The following LRP1B variants were observed in gnomAD, a reference collection of about 807,000 sequenced individuals.
LRP1B encodes LDL receptor related protein 1B.
A neutral mutation model predicts 556.6 loss-of-function variants in LRP1B; 217 were observed. The ratio of observed to expected loss-of-function variants is 0.39; its 90% CI spans 0.35 to 0.44. The LOEUF (loss-of-function observed/expected upper bound fraction) is 0.44. Among genes scored for constraint, LRP1B ranks in the 20% least tolerant of loss-of-function variants. LRP1B has a pLI of 1.00. For missense variants in LRP1B, 5,053 were observed against 5,620.8 expected (o/e 0.90, Z 3.23); for synonymous variants, 2,047 against 1,865.8 (o/e 1.10, Z -2.50).
At chr2:141,115,458 G>GT (rs70991138) in intron 7 of LRP1B, among the ~76,000 whole-genome samples, 3,784 of 120,314 alleles carry the variant, frequency 0.031, 302 homozygotes, top group East Asian at 0.15. Flanking sequence ...TTTTGTTTTT[G>GT]TTTTTTTTTT....
At chr2:140,989,215 C>G (rs1697016493) in intron 17 of LRP1B, among the ~76,000 whole-genome samples, 1 of 151,980 alleles carries the variant, frequency 6.6e-6, no homozygotes, top group Non-Finnish European at 1.5e-5. Flanking sequence ...TATATCACAG[C>G]ATGCTAGCAA....
chr2:141,189,831 T>C (rs138776444), intron 6 of LRP1B, among the ~76,000 whole-genome samples: 20 of 152,028 alleles, frequency 1.3e-4, no homozygotes, highest in African/African-American at 3.4e-4. Flanking sequence ...TCCCAAAATA[T>C]ATGCCGCTTT....
intron 1 of LRP1B, among the ~76,000 whole-genome samples, chr2:141,851,056 C>A (rs1042679480): frequency 2.0e-5 from 3 of 151,588 alleles, no homozygotes; most frequent in Non-Finnish European, 4.4e-5. Flanking sequence ...ATCTGGAAGC[C>A]CTCAACAATG....
intron 1 of LRP1B, among the ~76,000 whole-genome samples, chr2:142,129,528 C>T (rs1707770958): frequency 6.6e-6 from 1 of 151,546 alleles, no homozygotes; most frequent in South Asian, 2.1e-4. Context: ...ACTAAATCTC[C>T]CAATGCAACA....
At chr2:141,380,843 C>T (rs1434952695) in intron 3 of LRP1B, among the ~76,000 whole-genome samples, 2 of 152,058 alleles carry the variant, frequency 1.3e-5, no homozygotes, top group Non-Finnish European at 2.9e-5. Context: ...ACTTTAGTCT[C>T]TTGAGGACAA....
At chr2:140,275,711 C>T (rs565726928) in intron 84 of LRP1B, among the ~76,000 whole-genome samples, 1 of 151,948 alleles carries the variant, frequency 6.6e-6, no homozygotes. Flanking sequence ...GGCTATTATC[C>T]TTTTCTAAGG....
intron 1 of LRP1B, among the ~76,000 whole-genome samples, chr2:141,903,143 A>T (rs1699668717): frequency 2.1e-5 from 1 of 48,728 alleles, no homozygotes; most frequent in Non-Finnish European, 4.9e-5. Flanking sequence ...AGTAATGTCT[A>T]AATCTTTTTT....
intron 7 of LRP1B, among the ~76,000 whole-genome samples, chr2:141,109,861 C>T (rs979261975): frequency 6.6e-6 from 1 of 152,104 alleles, no homozygotes; most frequent in African/African-American, 2.4e-5. Context: ...TGGCTGAGGG[C>T]CTTCAATCAA....
intron 76 of LRP1B, 115 bp downstream of exon 76, chr2:140,352,838 A>C (rs1573833108): frequency 1.9e-6 from 2 of 1,025,894 alleles, no homozygotes; most frequent in Non-Finnish European, 2.8e-6. Flanking sequence ...AATCATCATT[A>C]AAAGTATTTT....
chr2:140,615,942 T>G (rs1046716233), intron 41 of LRP1B, among the ~76,000 whole-genome samples: 1 of 152,030 alleles, frequency 6.6e-6, no homozygotes, highest in Non-Finnish European at 1.5e-5. Context: ...CAGTTCTGTA[T>G]CTCCAGAACC....
chr2:140,440,190 G>A (rs1476259610), intron 66 of LRP1B, among the ~76,000 whole-genome samples: 1 of 152,136 alleles, frequency 6.6e-6, no homozygotes, highest in African/African-American at 2.4e-5. Context: ...GAGCATAAGA[G>A]AATTTCCCCT....
At position 140,233,048 on chromosome 2, in the gene LRP1B, A is replaced by C. The variant is rs1187955842; in HGVS notation, c.*138T>G. On this transcript the variant is annotated 3_prime_UTR_variant, in exon 91 of 91. Transcript: ENST00000389484. ...CATCAGCAAAAAATAAAACCCAAAA[A>C]ACTCAGAAAACAATTAACCAGGAAA... 1.9e-6 allele frequency: 1 copy of C among 539,416 alleles called. No individual in the cohort carries two copies. The highest frequency in any genetic ancestry group is 2.9e-6 in the Non-Finnish European group (1 of 339,588). 33.4% of individuals were successfully genotyped at this position (539,416 alleles called of 1,614,324 possible). A position where few individuals can be genotyped will look rare whatever the true frequency, so the allele number is the denominator to read the frequency against.
chr2:142,031,275 G>A (rs1703684947), intron 1 of LRP1B, among the ~76,000 whole-genome samples: 1 of 149,252 alleles, frequency 6.7e-6, no homozygotes, highest in Admixed American at 6.7e-5. Context: ...TGTTATTGCT[G>A]AACTCAATAT....
At chr2:141,144,133 G>C (rs550057401) in intron 7 of LRP1B, among the ~76,000 whole-genome samples, 10 of 152,138 alleles carry the variant, frequency 6.6e-5, no homozygotes, top group African/African-American at 1.7e-4. Flanking sequence ...TTTTTGACCT[G>C]TCTACTCTCA....
chr2:141,199,201 T>G (rs1390490690), intron 6 of LRP1B, among the ~76,000 whole-genome samples: 3 of 152,298 alleles, frequency 2.0e-5, no homozygotes, highest in East Asian at 3.9e-4. Context: ...GCACAAATGC[T>G]TTCAGAAATA....
chr2:140,568,085 G>A (rs2105097680), intron 43 of LRP1B, among the ~76,000 whole-genome samples: 1 of 151,308 alleles, frequency 6.6e-6, no homozygotes, highest in African/African-American at 2.4e-5. Flanking sequence ...AAGGAAATAT[G>A]ACACTACCAA....
At chr2:141,143,274 A>G (rs999065986) in intron 7 of LRP1B, among the ~76,000 whole-genome samples, 4 of 151,824 alleles carry the variant, frequency 2.6e-5, no homozygotes, top group South Asian at 2.1e-4. Context: ...CCTTTTCTCT[A>G]TATCTTTGCA....
At chr2:141,859,765 A>G (rs1488688287) in intron 1 of LRP1B, among the ~76,000 whole-genome samples, 2 of 152,180 alleles carry the variant, frequency 1.3e-5, no homozygotes, top group Admixed American at 6.5e-5. Flanking sequence ...TCACATAAGT[A>G]TGTACAATTA....
At chr2:141,392,145 T>C (rs1240359367) in intron 3 of LRP1B, among the ~76,000 whole-genome samples, 1 of 152,192 alleles carries the variant, frequency 6.6e-6, no homozygotes, top group East Asian at 1.9e-4. Context: ...ACAGCCCTCT[T>C]TGTTCAATGT....
Sources: gnomAD v4.1 joint callset for allele counts (sites outside exome capture counted in the v4.1 genomes callset) on GRCh38, gnomAD v4.1.1 for gene constraint, MANE v1.5 for transcripts, NCBI Gene and HGNC (gene_info 2026-07-23, HGNC 2026-07-21) for gene names.